Variants in RBFOX1 observed in about 807,000 individuals in gnomAD.
The protein encoded by RBFOX1 is RNA binding fox-1 homolog 1.
In RBFOX1, 8 loss-of-function variants were observed where a neutral mutation model predicts 57.7. That is an observed-to-expected ratio of 0.14 (90% CI 0.08 to 0.25). The LOEUF (loss-of-function observed/expected upper bound fraction) is 0.25. Among genes scored for constraint, RBFOX1 ranks in the 10% least tolerant of loss-of-function variants. The pLI is 1.00. For missense variants in RBFOX1, 611 were observed against 548.5 expected (o/e 1.11, Z -1.14); for synonymous variants, 326 against 222.4 (o/e 1.47, Z -4.15).
chr16:6,965,496 C>T (rs1016093134), intron 3 of RBFOX1, among the ~76,000 whole-genome samples: 4 of 152,058 alleles, frequency 2.6e-5, no homozygotes, highest in Non-Finnish European at 5.9e-5. Flanking sequence ...GCCACCATGC[C>T]TGGCTAATTT....
intron 2 of RBFOX1, among the ~76,000 whole-genome samples, chr16:6,651,771 G>A (rs1009756626): frequency 1.3e-5 from 2 of 152,176 alleles, no homozygotes; most frequent in Admixed American, 1.3e-4. Context: ...GTTCATAGCA[G>A]CATCATTCAC....
At chr16:5,396,433 G>C (rs547878269) in intron 1 of RBFOX1, among the ~76,000 whole-genome samples, 1 of 152,246 alleles carries the variant, frequency 6.6e-6, no homozygotes, top group East Asian at 1.9e-4. Context: ...TTGAGGCCAG[G>C]AGTTTGAGAC....
intron 3 of RBFOX1, among the ~76,000 whole-genome samples, chr16:6,908,138 C>G (rs144157416): frequency 6.6e-6 from 1 of 151,876 alleles, no homozygotes; most frequent in East Asian, 1.9e-4. Flanking sequence ...TGGAGGGAAA[C>G]AATTCAGCTC....
intron 4 of RBFOX1, among the ~76,000 whole-genome samples, chr16:7,212,013 C>G (rs756083873): frequency 3.3e-5 from 5 of 152,126 alleles, no homozygotes; most frequent in African/African-American, 1.2e-4. Context: ...CCTGCCTTGC[C>G]TGGCTGAGTC....
intron 3 of RBFOX1, among the ~76,000 whole-genome samples, chr16:5,665,770 C>T (rs2049823340): frequency 6.6e-6 from 1 of 152,224 alleles, no homozygotes; most frequent in South Asian, 2.1e-4. Context: ...CTCAGGCCCT[C>T]ACAGGGGGTT....
chr16:7,091,000 A>T (rs11639744), intron 4 of RBFOX1, among the ~76,000 whole-genome samples: 26,393 of 152,148 alleles, frequency 0.17, 2,740 homozygotes, highest in East Asian at 0.3. Context: ...AAAGTAGGCA[A>T]TTGGCACCTA....
rs1472049002 is a variant in RBFOX1, at chr16:5,613,691, C to T, written c.318+14730C>T. On this transcript the variant is annotated intron_variant, in intron 3 of 19. Transcript: ENST00000641259. ...GGGTCATGTTTATGGGGCCAGGTTC[C>T]ATCACTGAGTGGAAAGCTCACAAAA... is the stretch of plus-strand genomic sequence containing the variant. 3.3e-5 allele frequency among the ~76,000 whole-genome samples: 5 copies of T among 152,190 alleles called. No homozygotes were observed. The East Asian group carries it at 5.8e-4, about 18-fold the overall frequency.
At chr16:5,452,157 C>T (rs1296322270) in intron 1 of RBFOX1, among the ~76,000 whole-genome samples, 5 of 141,784 alleles carry the variant, frequency 3.5e-5, no homozygotes, top group African/African-American at 5.2e-5. Context: ...CTTGCTCTGT[C>T]GCCTAGGCTG....
At chr16:5,640,431 A>C (rs1214912486) in intron 3 of RBFOX1, among the ~76,000 whole-genome samples, 1 of 152,066 alleles carries the variant, frequency 6.6e-6, no homozygotes, top group African/African-American at 2.4e-5. Flanking sequence ...ACACATACAC[A>C]TGCACATGAA....
In RBFOX1 at chr16:6,876,658, C is replaced by T. The variant is rs144782170; in HGVS notation, c.-15-175399C>T. ...TTTTTTCTAAGAGTACATTTCTCAC[C>T]TAGGGTTCTATTTCTTAATCTTGGC... On this transcript the variant is annotated intron_variant, in intron 3 of 15. Transcript: ENST00000550418. 3.3e-5 allele frequency among the ~76,000 whole-genome samples: 5 copies of T among 152,106 alleles called. No individual in the cohort carries two copies. In the South Asian group the frequency reaches 8.3e-4, roughly 25 times the overall value.
chr16:5,633,164 C>T (rs796114360), intron 3 of RBFOX1, among the ~76,000 whole-genome samples: 3 of 152,026 alleles, frequency 2.0e-5, no homozygotes, highest in African/African-American at 7.2e-5. Context: ...GTCTCGAACT[C>T]CTGACCTCGT....
At chr16:7,083,091 T>G (rs2059442958) in intron 4 of RBFOX1, among the ~76,000 whole-genome samples, 1 of 152,266 alleles carries the variant, frequency 6.6e-6, no homozygotes, top group South Asian at 2.1e-4. Context: ...CTCTGCTCAT[T>G]TCAAGGAACA....
intron 4 of RBFOX1, among the ~76,000 whole-genome samples, chr16:5,896,441 C>A (rs1306749560): frequency 6.6e-6 from 1 of 151,648 alleles, no homozygotes; most frequent in Non-Finnish European, 1.5e-5. Flanking sequence ...TCCCTGCGCT[C>A]CCCCTGTTTT....
At chr16:5,964,388 C>G (rs1375909000) in intron 4 of RBFOX1, among the ~76,000 whole-genome samples, 2 of 152,148 alleles carry the variant, frequency 1.3e-5, no homozygotes, top group Non-Finnish European at 2.9e-5. Flanking sequence ...AACAATCCCA[C>G]TTCTGGGTAT....
chr16:6,822,205 ACAGT>A (rs1342010956), intron 3 of RBFOX1, among the ~76,000 whole-genome samples: 1 of 152,182 alleles, frequency 6.6e-6, no homozygotes, highest in Non-Finnish European at 1.5e-5. Flanking sequence ...TGGTTGGATG[ACAGT>A]CAGTTTGAAA....
intron 3 of RBFOX1, among the ~76,000 whole-genome samples, chr16:6,895,699 G>C (rs905270128): frequency 6.6e-6 from 1 of 151,668 alleles, no homozygotes; most frequent in African/African-American, 2.4e-5. Context: ...AATAAAGGAA[G>C]AGTAAAGGAT....
intron 4 of RBFOX1, among the ~76,000 whole-genome samples, chr16:5,978,233 G>A (rs908294202): frequency 1.4e-5 from 2 of 147,214 alleles, no homozygotes; most frequent in African/African-American, 2.5e-5. Flanking sequence ...AGGATCACTT[G>A]CACCCTGGAA....
chr16:5,830,255 G>C (rs192821025), intron 3 of RBFOX1, among the ~76,000 whole-genome samples: 3 of 152,230 alleles, frequency 2.0e-5, no homozygotes, highest in African/African-American at 7.2e-5. Flanking sequence ...AGTTGGTTCA[G>C]CTTTCCTATG....
intron 2 of RBFOX1, among the ~76,000 whole-genome samples, chr16:6,503,178 G>T (rs2095988573): frequency 1.3e-5 from 2 of 149,254 alleles, no homozygotes. Context: ...TATTATATGT[G>T]ATTTTTTTAT....
Sources: gnomAD v4.1 joint callset for allele counts (sites outside exome capture counted in the v4.1 genomes callset) on GRCh38, gnomAD v4.1.1 for gene constraint, MANE v1.5 for transcripts, NCBI Gene and HGNC (gene_info 2026-07-23, HGNC 2026-07-21) for gene names.